EGR1: variants seen among roughly 807,000 people sequenced by gnomAD.
The protein encoded by EGR1 is early growth response 1.
In EGR1, 8 loss-of-function variants were observed where a neutral mutation model predicts 30.2. That is an observed-to-expected ratio of 0.26 (90% CI 0.16 to 0.48). The LOEUF (loss-of-function observed/expected upper bound fraction) is 0.48, where lower values mean the gene tolerates loss of function less well. Ranked by LOEUF, EGR1 falls within the 20% of genes least tolerant of loss-of-function variation. EGR1 has a pLI of 0.99. For synonymous variants in EGR1, 334 were observed against 312.8 expected (o/e 1.07, Z -0.72); for missense variants, 568 against 732.3 (o/e 0.78, Z 2.59).
chr5:138,467,704 T>A lies in EGR1; in HGVS notation c.1255T>A (p.Leu419Met), dbSNP rs535038686. The change falls in exon 2 of 2, where the codon TTG (leucine) becomes ATG (methionine). Residue 419 changes from leucine to methionine, a missense_variant. Around this residue, in one of 4 missense-constraint regions of EGR1, gnomAD observed 118 missense variants for 161.6 expected, o/e 0.73. Transcript: ENST00000239938. This position sits in a 1 kb window ranked among gnomAD's most constrained non-coding sequence, Gnocchi z 8.3. ...ACGCAAGAGGCATACCAAGATCCAC[T>A]TGCGGCAGAAGGACAAGAAAGCAGA... ...DERKRHTKIH[L>M]RQKDKKADKS... 6.2e-7 allele frequency: 1 copy of A among 1,614,208 alleles called. No homozygotes were observed. The highest frequency in any genetic ancestry group is 1.6e-4 in the Middle Eastern group (1 of 6,062).
At position 138,467,373 on chromosome 5, in the gene EGR1, T is replaced by A. The variant is rs781094908; in HGVS notation, c.924T>A (p.Asn308Lys). 2 of 1,613,956 alleles carry A rather than the reference T, an allele frequency of 1.2e-6. No individual in the cohort carries two copies. Among genetic ancestry groups the A allele is most frequent in the African/African-American group, 1.3e-5 (1 of 74,886 alleles). Residue 308 changes from asparagine to lysine, a missense_variant, in exon 2 of 2, where the codon AAT (asparagine) becomes AAA (lysine). This residue lies in a region of EGR1 where 415 missense variants were observed against 445.2 expected (regional missense o/e 0.93). Coordinates refer to ENST00000239938, the MANE Select transcript of EGR1 (RefSeq NM_001964.3). This position sits in a 1 kb window ranked among gnomAD's most constrained non-coding sequence, Gnocchi z 8.3. ...GCTCCCAGGACCTGAAGGCCCTCAA[T>A]ACCAGCTACCAGTCCCAGCTCATCA... ...QSGSQDLKAL[N>K]TSYQSQLIKP...
Position 138,465,994 on chromosome 5 carries a change from ACAGCAG to A in EGR1, c.248_253del (p.Ser83_Ser84del), listed in dbSNP as rs113180988. The A allele has an allele frequency of 2.5e-6, 4 of 1,608,588 alleles. No individual in the cohort carries two copies. In the Admixed American group the frequency reaches 5.0e-5, roughly 20 times the overall value. ...GGTGGAGGCGGCGGGGGCGGCAGCA[ACAGCAG>A]CAGCAGCAGCAGCACCTTCAACCCT... On this transcript the variant is annotated inframe_deletion, in exon 1 of 2. Coordinates refer to ENST00000239938, the MANE Select transcript of EGR1 (RefSeq NM_001964.3).
In EGR1 at chr5:138,465,745, C is replaced by T. The variant is rs777766500; in HGVS notation, c.-17C>T. ...CCCCCCCGCCCCGACACCAGCTCTC[C>T]AGCCTGCTCGTCCAGGATGGCCGCG... On this transcript the variant is annotated 5_prime_UTR_variant, in exon 1 of 2. Coordinates refer to ENST00000239938, the MANE Select transcript of EGR1 (RefSeq NM_001964.3). 2.8e-5 allele frequency: 44 copies of T among 1,574,024 alleles called. 1 individual carries two copies. The South Asian group carries it at 4.7e-4, about 17-fold the overall frequency.
In EGR1 at chr5:138,466,785, C is replaced by G; in HGVS notation, c.336C>G (p.Asn112Lys). 1.2e-6 allele frequency: 2 copies of G among 1,613,524 alleles called. No individual in the cohort carries two copies. Among genetic ancestry groups the G allele is most frequent in the South Asian group, 1.1e-5 (1 of 91,044 alleles). The change falls in exon 2 of 2, where the codon AAC becomes AAG. Residue 112 changes from asparagine (N) to lysine (K), a missense_variant. Transcript: ENST00000239938. The stretch of plus-strand genomic sequence containing the variant: ...CTTTTCCTGACATCTCTCTGAACAA[C>G]GAGAAGGTGCTGGTGGAGACCAGTT... ...AESFPDISLN[N>K]EKVLVETSYP...
Position 138,468,165 on chromosome 5 carries a change from G to A in EGR1, c.*84G>A, listed in dbSNP as rs1239827649. On this transcript the variant is annotated 3_prime_UTR_variant, in exon 2 of 2. Coordinates refer to ENST00000239938, the MANE Select transcript of EGR1 (RefSeq NM_001964.3). ...AGGAGGAGGAGATGGCCATAGGAGA[G>A]GAGGGTTCCTCTTAGGTCAGATGGA... 1 of 1,530,796 alleles carries A rather than the reference G, an allele frequency of 6.5e-7. No individual in the cohort carries two copies. Among genetic ancestry groups the A allele is most frequent in the Non-Finnish European group, 8.8e-7 (1 of 1,140,218 alleles). The allele number at this position is 1,530,796 out of a possible 1,614,324, so 94.8% of individuals were successfully genotyped here.
Position 138,467,617 on chromosome 5 carries a change from C to G in EGR1, c.1168C>G (p.His390Asp), listed in dbSNP as rs751573105. The G allele has an allele frequency of 6.2e-7, 1 of 1,614,088 alleles. No individual in the cohort carries two copies. The highest frequency in any genetic ancestry group is 1.1e-5 in the South Asian group (1 of 91,088). Residue 390 changes from histidine (H) to aspartate (D), a missense_variant, in exon 2 of 2, where the codon CAC becomes GAC. Around this residue, in one of 4 missense-constraint regions of EGR1, gnomAD observed 17 missense variants for 97.8 expected, o/e 0.17. Coordinates refer to ENST00000239938, the MANE Select transcript of EGR1 (RefSeq NM_001964.3). This position sits in a 1 kb window ranked among gnomAD's most constrained non-coding sequence, Gnocchi z 8.3. ...CCACCTCACCACCCACATCCGCACC[C>G]ACACAGGCGAAAAGCCCTTCGCCTG... ...SDHLTTHIRT[H>D]TGEKPFACDI...
Position 138,467,886 on chromosome 5 carries a change from C to T in EGR1, c.1437C>T (p.Ser479=). ...PVPTSFSSPG[S]STYPSPVHSG... is the part of the protein sequence containing the mutation. Reference sequence around the variant, plus strand: ...CCACCTCCTTCTCCTCTCCCGGCTCCTCGACCTACCCATCCCCTGTGCACA... The same window carrying T: ...CCACCTCCTTCTCCTCTCCCGGCTCTTCGACCTACCCATCCCCTGTGCACA... Residue 479 remains serine (S), a synonymous_variant, in exon 2 of 2, where the codon TCC becomes TCT. Coordinates refer to ENST00000239938, the MANE Select transcript of EGR1 (RefSeq NM_001964.3). The surrounding 1 kb of genome is among the most constrained non-coding windows in gnomAD (Gnocchi z 8.3). The T allele has an allele frequency of 6.2e-7, 1 of 1,613,994 alleles. No individual in the cohort carries two copies. Among genetic ancestry groups the T allele is most frequent in the Non-Finnish European group, 8.5e-7 (1 of 1,179,920 alleles).
At position 138,467,918 on chromosome 5, in the gene EGR1, T is replaced by G. The variant is rs1286256447; in HGVS notation, c.1469T>G (p.Phe490Cys). ...STYPSPVHSG[F>C]PSPSVATTYS... ...TACCCATCCCCTGTGCACAGTGGCT[T>G]CCCCTCCCCGTCGGTGGCCACCACG... The change falls in exon 2 of 2, where the codon TTC becomes TGC. Residue 490 changes from phenylalanine (F) to cysteine (C), a missense_variant. Phe to Cys is a radical substitution (Grantham distance 205). Around this residue, in one of 4 missense-constraint regions of EGR1, gnomAD observed 118 missense variants for 161.6 expected, o/e 0.73. Transcript: ENST00000239938. This position sits in a 1 kb window ranked among gnomAD's most constrained non-coding sequence, Gnocchi z 8.3. The G allele has an allele frequency of 6.2e-7, 1 of 1,613,048 alleles. No homozygotes were observed. The highest frequency in any genetic ancestry group is 8.5e-7 in the Non-Finnish European group (1 of 1,179,424).
chr5:138,465,537 G>A lies in EGR1; in HGVS notation c.-225G>A. 3.2e-6 allele frequency: 1 copy of A among 313,860 alleles called. No homozygotes were observed. 19.4% of individuals were successfully genotyped at this position (313,860 alleles called of 1,614,324 possible). ...CCGCCGCCATCCGCCGCCGCAGCCA[G>A]CTTCCGCCGCCGCAGGACCGGCCCC... On this transcript the variant is annotated 5_prime_UTR_variant, in exon 1 of 2. Coordinates refer to ENST00000239938, the MANE Select transcript of EGR1 (RefSeq NM_001964.3).
chr5:138,465,600 C>G lies in EGR1; in HGVS notation c.-162C>G. On this transcript the variant is annotated 5_prime_UTR_variant, in exon 1 of 2. Transcript: ENST00000239938. ...CGCAGCCGCGGCGCGTCCACGCCCGCCCGCGCCCAGGGCGAGTCGGGGTCG... is the reference window on the plus strand; with the variant it reads ...CGCAGCCGCGGCGCGTCCACGCCCGGCCGCGCCCAGGGCGAGTCGGGGTCG... 1.4e-5 allele frequency: 10 copies of G among 720,816 alleles called. No individual in the cohort carries two copies. Among genetic ancestry groups the G allele is most frequent in the Non-Finnish European group, 2.0e-5 (10 of 512,318 alleles). The allele number at this position is 720,816 out of a possible 1,614,324, so 44.7% of individuals were successfully genotyped here.
chr5:138,465,990 A>G lies in EGR1; in HGVS notation c.229A>G (p.Ser77Gly). ...SGGGGGGGGGSNSSSSSSTFN... is the reference protein window; with the variant it reads ...SGGGGGGGGGGNSSSSSSTFN... ...GGGCGGTGGAGGCGGCGGGGGCGGC[A>G]GCAACAGCAGCAGCAGCAGCAGCAC... The change falls in exon 1 of 2, where the codon AGC (serine) becomes GGC (glycine). Residue 77 changes from serine (S) to glycine (G), a missense_variant. Coordinates refer to ENST00000239938, the MANE Select transcript of EGR1 (RefSeq NM_001964.3). The G allele has an allele frequency of 6.2e-7, 1 of 1,609,386 alleles. No homozygotes were observed. Among genetic ancestry groups the G allele is most frequent in the Non-Finnish European group, 8.5e-7 (1 of 1,178,068 alleles).
intron 1 of EGR1, 73 bp from the exon 2 acceptor site, chr5:138,466,684 A>C: frequency 1.3e-6 from 2 of 1,525,538 alleles, no homozygotes; most frequent in South Asian, 2.5e-5. Context: ...CTTGCCTGGC[A>C]GCTCGGGTCG....
rs1764192881 is a variant in EGR1, at chr5:138,468,791, T to TG, written c.*710_*711insG. On this transcript the variant is annotated 3_prime_UTR_variant, in exon 2 of 2. Coordinates refer to ENST00000239938, the MANE Select transcript of EGR1 (RefSeq NM_001964.3). ...CAAAATATGGTTTGGTTTTTCTTTTTTTTTTTTTTTGAAAGTGTTTTTTCT... is the reference window on the plus strand; with the variant it reads ...CAAAATATGGTTTGGTTTTTCTTTTTGTTTTTTTTTTGAAAGTGTTTTTTCT... 1 of 152,336 alleles carries TG rather than the reference T, an allele frequency of 6.6e-6. No homozygotes were observed. The highest frequency in any genetic ancestry group is 2.4e-5 in the African/African-American group (1 of 41,380). The allele number at this position is 152,336 out of a possible 1,614,324, so 9.4% of individuals were successfully genotyped here. A position where few individuals can be genotyped will look rare whatever the true frequency, so the allele number is the denominator to read the frequency against.
chr5:138,466,702 C>CGA, intron 1 of EGR1, 55 bp from the exon 2 acceptor site: 1 of 1,559,856 alleles, frequency 6.4e-7, no homozygotes, highest in Admixed American at 1.8e-5. Flanking sequence ...TCGTCCTCGT[C>CGA]CTCCAGTGAT....
rs1180647773 is a variant in EGR1, at chr5:138,468,247, A to G, written c.*166A>G. 7 of 1,419,312 alleles carry G rather than the reference A, an allele frequency of 4.9e-6. No individual in the cohort carries two copies. In the East Asian group the frequency reaches 1.3e-4, roughly 26 times the overall value. 87.9% of individuals were successfully genotyped at this position (1,419,312 alleles called of 1,614,324 possible). ...GGAGTGGAAGGTCTATTGGCCAACA[A>G]TCCTTTCTGCCCACTTCCCCTTCCC... is the stretch of plus-strand genomic sequence containing the variant. On this transcript the variant is annotated 3_prime_UTR_variant, in exon 2 of 2. Coordinates refer to ENST00000239938, the MANE Select transcript of EGR1 (RefSeq NM_001964.3).
intron 1 of EGR1, among the ~76,000 whole-genome samples, chr5:138,466,341 T>G (rs958758579): frequency 3.3e-5 from 5 of 152,352 alleles, no homozygotes; most frequent in Non-Finnish European, 7.3e-5. Context: ...CTTGTTTTGA[T>G]GAGCGGGGCT....
chr5:138,466,374 C>T (rs1386446913), intron 1 of EGR1, among the ~76,000 whole-genome samples: 3 of 152,260 alleles, frequency 2.0e-5, no homozygotes, highest in Non-Finnish European at 4.4e-5. Context: ...TCCAGTAAGA[C>T]TTGCCTTGCC....
chr5:138,467,318 C>T lies in EGR1; in HGVS notation c.869C>T (p.Ser290Phe). Residue 290 changes from serine (S) to phenylalanine (F), a missense_variant, in exon 2 of 2, where the codon TCT becomes TTT. Physicochemically the swap from Ser to Phe is radical, Grantham distance 155. Around this residue, in one of 4 missense-constraint regions of EGR1, gnomAD observed 415 missense variants for 445.2 expected, o/e 0.93. Transcript: ENST00000239938. This position sits in a 1 kb window ranked among gnomAD's most constrained non-coding sequence, Gnocchi z 8.3. ...RTQQPSLTPL[S>F]TIKAFATQSG... The stretch of plus-strand genomic sequence containing the variant: ...CAGCAGCCTTCGCTAACCCCTCTGT[C>T]TACTATTAAGGCCTTTGCCACTCAG... 1 of 1,614,196 alleles carries T rather than the reference C, an allele frequency of 6.2e-7. No homozygotes were observed.
Position 138,467,444 on chromosome 5 carries a change from C to T in EGR1, c.995C>T (p.Pro332Leu), listed in dbSNP as rs1764173395. Residue 332 changes from proline to leucine, a missense_variant, in exon 2 of 2, where the codon CCC becomes CTC. By Grantham distance (98) the Pro-to-Leu change is moderately conservative. Around this residue, in one of 4 missense-constraint regions of EGR1, gnomAD observed 415 missense variants for 445.2 expected, o/e 0.93. Coordinates refer to ENST00000239938, the MANE Select transcript of EGR1 (RefSeq NM_001964.3). This position sits in a 1 kb window ranked among gnomAD's most constrained non-coding sequence, Gnocchi z 8.3. ...RKYPNRPSKT[P>L]PHERPYACPV... ...TACCCCAACCGGCCCAGCAAGACGC[C>T]CCCCCACGAACGCCCTTACGCTTGC... The T allele has an allele frequency of 6.2e-7, 1 of 1,614,068 alleles. No homozygotes were observed. Among genetic ancestry groups the T allele is most frequent in the Admixed American group, 1.7e-5 (1 of 60,010 alleles).
Sources: allele counts gnomAD v4.1 joint callset (sites outside exome capture counted in the v4.1 genomes callset), GRCh38; gene constraint gnomAD v4.1.1; regional missense constraint gnomAD v4.1.1; non-coding constraint Gnocchi (gnomAD v3.1); transcripts MANE v1.5; gene names NCBI Gene and HGNC (gene_info 2026-07-23, HGNC 2026-07-21).